Variants in C8B observed in about 807,000 individuals in gnomAD.
The protein encoded by C8B is complement component C8 beta chain.
C8B carries 67 observed loss-of-function variants against 64.6 expected under a neutral mutation model. That is an observed-to-expected ratio of 1.04 (90% CI 0.85 to 1.27). The LOEUF is 1.27. C8B is among the 50% of genes most tolerant of loss of function. The probability of loss-of-function intolerance (pLI) is 0.00; values close to 1 mark genes in which losing one functional copy is unlikely to be tolerated. For synonymous variants in C8B, 284 were observed against 257.7 expected, an observed-to-expected ratio of 1.10 and a Z score of -0.98; for missense variants, 790 against 725.2, an observed-to-expected ratio of 1.09 and a Z score of -1.03.
chr1:56,948,316 A>C (rs1032035296), intron 6 of C8B, among the ~76,000 whole-genome samples: 1 of 152,260 alleles, frequency 6.6e-6, no homozygotes, highest in African/African-American at 2.4e-5. Flanking sequence ...AATAGGAGTT[A>C]GTGTAAACAA....
Position 56,954,675 on chromosome 1 carries a change from T to C in C8B, c.533+11A>G, listed in dbSNP as rs530428491. 7 of 1,614,104 alleles carry C rather than the reference T, an allele frequency of 4.3e-6. No individual in the cohort carries two copies. Among genetic ancestry groups the C allele is most frequent in the South Asian group, 3.3e-5 (3 of 91,080 alleles). On this transcript the variant is annotated intron_variant, in intron 4 of 11. Coordinates refer to ENST00000371237, the MANE Select transcript of C8B (RefSeq NM_000066.4). The stretch of plus-strand genomic sequence containing the variant: ...CCTTCCCATCTACGCCACAGAAAAA[T>C]GGTCACTTACCCACTGGCCAGACTG...
chr1:56,946,081 G>A lies in C8B; in HGVS notation c.865-20C>T, dbSNP rs763148835. The A allele has an allele frequency of 6.2e-7, 1 of 1,613,634 alleles. No individual in the cohort carries two copies. The highest frequency in any genetic ancestry group is 1.1e-5 in the South Asian group (1 of 91,076). On this transcript the variant is annotated intron_variant, in intron 6 of 11. Transcript: ENST00000371237. ...GCTTTTCTAAATGAAATACCAACAT[G>A]GGAAAACCAGACCTTTAAAGTTAGG...
chr1:56,958,532 CAAAGTGGGTT>C (rs1323754200), intron 2 of C8B, among the ~76,000 whole-genome samples: 8 of 152,150 alleles, frequency 5.3e-5, no homozygotes, highest in African/African-American at 1.9e-4. Context: ...GCTCCAAAGG[CAAAGTGGGTT>C]CCAGGAGTGT....
At chr1:56,946,095 T>C (rs1456170242) in intron 6 of C8B, 34 bp from the exon 7 acceptor site, 27 of 1,612,972 alleles carry the variant, frequency 1.7e-5, no homozygotes, top group Non-Finnish European at 2.2e-5. Context: ...AAACCAGACC[T>C]TTAAAGTTAG....
chr1:56,947,516 T>G (rs1246983226), intron 6 of C8B, among the ~76,000 whole-genome samples: 1 of 152,194 alleles, frequency 6.6e-6, no homozygotes, highest in Non-Finnish European at 1.5e-5. Flanking sequence ...TGCCATTGCC[T>G]CCAATCTGAT....
Position 56,946,039 on chromosome 1 carries a change from C to T in C8B, c.887G>A (p.Arg296His), listed in dbSNP as rs781743688. The change falls in exon 7 of 12, where the codon CGC becomes CAC. Residue 296 changes from arginine to histidine, a missense_variant. Transcript: ENST00000371237. The stretch of plus-strand genomic sequence containing the variant: ...GTAATGTGCTACTTCAAGGTCAGAG[C>T]GTGCATGCAGAAATACGCTTTTCTA... ...SHTKSVFLHARSDLEVAHYKL... is the reference protein window; with the variant it reads ...SHTKSVFLHAHSDLEVAHYKL... 33 of 1,613,950 alleles carry T rather than the reference C, an allele frequency of 2.0e-5. No individual in the cohort carries two copies. The East Asian group carries it at 2.5e-4, about 12-fold the overall frequency.
At chr1:56,962,171 G>A (rs1645188823) in intron 1 of C8B, among the ~76,000 whole-genome samples, 1 of 152,210 alleles carries the variant, frequency 6.6e-6, no homozygotes, top group South Asian at 2.1e-4. Flanking sequence ...AGATTTGAAA[G>A]CCTGTTAATG....
rs1644659889 is a variant in C8B at position 56,929,301 on chromosome 1, C to T, written c.*103G>A. The T allele has an allele frequency of 1.1e-5, 13 of 1,209,784 alleles. No individual in the cohort carries two copies. The South Asian group carries it at 1.6e-4, about 15-fold the overall frequency. The allele number at this position is 1,209,784 out of a possible 1,614,324, so 74.9% of individuals were successfully genotyped here. Reference sequence around the variant, plus strand: ...ACAGCTTGCATGGCACTGCCTTTTGCCCTTGCATGAACTCCAGGTGGAAAC... The same window carrying T: ...ACAGCTTGCATGGCACTGCCTTTTGTCCTTGCATGAACTCCAGGTGGAAAC... On this transcript the variant is annotated 3_prime_UTR_variant, in exon 12 of 12. Transcript: ENST00000371237.
At position 56,933,502 on chromosome 1, in the gene C8B, A is replaced by G. The variant is rs758067323; in HGVS notation, c.1399-14T>C. On this transcript the variant is annotated splice_polypyrimidine_tract_variant and intron_variant, in intron 9 of 11. Transcript: ENST00000371237. ...CAGAGGCTCCACCTGGAAAGGGAAA[A>G]GGGCATTTATTTCAAGAGAAAAACA... is the stretch of plus-strand genomic sequence containing the variant. 2 of 1,610,986 alleles carry G rather than the reference A, an allele frequency of 1.2e-6. No individual in the cohort carries two copies. Among genetic ancestry groups the G allele is most frequent in the Non-Finnish European group, 8.5e-7 (1 of 1,177,166 alleles).
rs943247806 is a variant in C8B, at chr1:56,931,209, A to T, written c.1621+601T>A. 6.6e-5 allele frequency among the ~76,000 whole-genome samples: 10 copies of T among 152,328 alleles called. No individual in the cohort carries two copies. The South Asian group carries it at 2.1e-3, about 32-fold the overall frequency. ...TGTTAAACTGGCCAAAGAATTTGAG[A>T]TCTGGAAGGGATCTTAATGATAGCC... On this transcript the variant is annotated intron_variant, in intron 11 of 11. Transcript: ENST00000371237.
At chr1:56,959,262 T>G (rs1418467868) in intron 2 of C8B, among the ~76,000 whole-genome samples, 1 of 152,208 alleles carries the variant, frequency 6.6e-6, no homozygotes, top group Non-Finnish European at 1.5e-5. Flanking sequence ...TGCCAGAGAT[T>G]GGTCTACACA....
chr1:56,965,819 T>G (rs1645247571), intron 1 of C8B, 38 bp downstream of exon 1: 4 of 1,600,502 alleles, frequency 2.5e-6, no homozygotes. Flanking sequence ...TTCCCTGTCA[T>G]ATTATTGATC....
In C8B at chr1:56,933,479, G is replaced by A. The variant is rs765845132; in HGVS notation, c.1408C>T (p.Leu470=). ...TCTGTGGCTGTCACTAGTTCATACA[G>A]AGGCTCCACCTGGAAAGGGAAAAGG... is the stretch of plus-strand genomic sequence containing the variant. ...PAIIKVKVEP[L]YELVTATDFA... Residue 470 remains leucine (L), a synonymous_variant, in exon 10 of 12, where the codon CTG becomes TTG. Coordinates refer to ENST00000371237, the MANE Select transcript of C8B (RefSeq NM_000066.4). The A allele has an allele frequency of 2.5e-6, 4 of 1,613,768 alleles. No individual in the cohort carries two copies. Among genetic ancestry groups the A allele is most frequent in the Middle Eastern group, 3.3e-4 (2 of 6,060 alleles).
intron 6 of C8B, among the ~76,000 whole-genome samples, chr1:56,947,456 T>A (rs565755683): frequency 1.5e-4 from 23 of 152,324 alleles, no homozygotes; most frequent in Admixed American, 5.2e-4. Context: ...AATGTTATTT[T>A]CTCCCTTTTC....
At chr1:56,934,791 TG>T (rs1369658591) in intron 9 of C8B, among the ~76,000 whole-genome samples, 2 of 151,150 alleles carry the variant, frequency 1.3e-5, no homozygotes, top group Admixed American at 1.3e-4. Context: ...ACACAAGGGG[TG>T]GGGGTGGGAG....
intron 2 of C8B, 95 bp downstream of exon 2, chr1:56,959,925 A>G: frequency 5.1e-6 from 7 of 1,374,688 alleles, no homozygotes; most frequent in Non-Finnish European, 6.2e-6. Flanking sequence ...TTGAGGGCCA[A>G]CTATGTGCCA....
rs1040838589 is a variant in C8B at position 56,929,618 on chromosome 1, G to A, written c.1622-60C>T. 16 of 1,552,616 alleles carry A rather than the reference G, an allele frequency of 1.0e-5. No homozygotes were observed. The African/African-American group carries it at 1.9e-4, about 18-fold the overall frequency. ...ACTTCTTATATTCTGGTGCCTTACT[G>A]GGGTTGGGTGAGCTATGTAAGCCAA... On this transcript the variant is annotated intron_variant, in intron 11 of 11. Transcript: ENST00000371237.
intron 1 of C8B, chr1:56,963,651 A>G (rs927210): frequency 0.49 from 75,801 of 154,494 alleles, 18,987 homozygotes; most frequent in South Asian, 0.65. Flanking sequence ...GAGTGCAGGG[A>G]CTCTGAGACC....
intron 6 of C8B, among the ~76,000 whole-genome samples, chr1:56,947,246 C>T (rs1358333080): frequency 6.6e-6 from 1 of 152,128 alleles, no homozygotes; most frequent in Admixed American, 6.5e-5. Flanking sequence ...AATCAGCTCC[C>T]CTACTCTGAG....
Sources: allele counts gnomAD v4.1 joint callset (sites outside exome capture counted in the v4.1 genomes callset), GRCh38; gene constraint gnomAD v4.1.1; transcripts MANE v1.5; gene names NCBI Gene and HGNC (gene_info 2026-07-23, HGNC 2026-07-21).